Variants in PLXNA3 observed in about 807,000 individuals in gnomAD.
PLXNA3 encodes plexin-A3.
A neutral mutation model predicts 118.8 loss-of-function variants in PLXNA3; 52 were observed. That is an observed-to-expected ratio of 0.44 (90% CI 0.35 to 0.55). The LOEUF (loss-of-function observed/expected upper bound fraction) is 0.55. Ranked by LOEUF, PLXNA3 falls within the 20% of genes least tolerant of loss-of-function variation. The pLI is 0.01. For synonymous variants in PLXNA3, 925 were observed against 762.4 expected (o/e 1.21, Z -3.51); for missense variants, 1,660 against 1,730.8 (o/e 0.96, Z 0.73).
In PLXNA3 at chrX:154,462,217, C is replaced by G. The variant is rs782313208; in HGVS notation, c.1224C>G (p.Ala408=). ...TGATCGAGGGGCTGCCCCTGCTGGCCGACAGCACCGACGGCATGGCCAGCG... is the reference window on the plus strand; with the variant it reads ...TGATCGAGGGGCTGCCCCTGCTGGCGGACAGCACCGACGGCATGGCCAGCG... ...LHVIEGLPLL[A]DSTDGMASVA... is the part of the protein sequence containing the mutation. Residue 408 remains alanine (A), a synonymous_variant, in exon 4 of 33, where the codon GCC becomes GCG. Coordinates refer to ENST00000369682, the MANE Select transcript of PLXNA3 (RefSeq NM_017514.5). 16 of 1,203,508 alleles carry G rather than the reference C, an allele frequency of 1.3e-5. No individual in the cohort carries two copies. In the East Asian group the frequency reaches 4.8e-4, roughly 36 times the overall value.
chrX:154,471,371 C>A (rs904660428), intron 31 of PLXNA3, 54 bp downstream of exon 31: 2 of 1,162,026 alleles, frequency 1.7e-6, no homozygotes, highest in Admixed American at 4.6e-5. Flanking sequence ...CCTCCCTGGG[C>A]TGCCTGTGCG....
rs782615858 is a variant in PLXNA3, at chrX:154,464,309, G to T, written c.1824G>T (p.Gly608=). Residue 608 remains glycine, a synonymous_variant, in exon 8 of 33, where the codon GGG becomes GGT. Coordinates refer to ENST00000369682, the MANE Select transcript of PLXNA3 (RefSeq NM_017514.5). ...AGGAGCTCCGAGCTCTTACCAGGGG[G>T]CATGGTCAGTGGGTTGGGGCTGCCC... ...SLQELRALTR[G]HGATRTVRLQ... The T allele has an allele frequency of 3.3e-6, 4 of 1,207,177 alleles. No individual in the cohort carries two copies. Among genetic ancestry groups the T allele is most frequent in the Non-Finnish European group, 3.4e-6 (3 of 894,232 alleles).
rs1182966162 is a variant in PLXNA3, at chrX:154,474,965, T to G, written c.*2280T>G. The stretch of plus-strand genomic sequence containing the variant: ...ACCATACCCAGCTGTTTTTTGTTTT[T>G]TTTTTTTTTCTTTAGTAGAGATGGA... On this transcript the variant is annotated 3_prime_UTR_variant, in exon 33 of 33. Transcript: ENST00000369682. The G allele has an allele frequency of 9.9e-6, 1 of 100,695 alleles. No individual in the cohort carries two copies. The highest frequency in any genetic ancestry group is 2.0e-5 in the Non-Finnish European group (1 of 49,188). 8.3% of individuals were successfully genotyped at this position (100,695 alleles called of 1,213,427 possible).
chrX:154,474,204 A>G lies in PLXNA3; in HGVS notation c.*1519A>G, dbSNP rs373099994. 2.7e-5 allele frequency: 3 copies of G among 110,794 alleles called. No homozygotes were observed. The highest frequency in any genetic ancestry group is 5.6e-4 in the East Asian group (2 of 3,578). The allele number at this position is 110,794 out of a possible 1,213,427, so 9.1% of individuals were successfully genotyped here. A position where few individuals can be genotyped will look rare whatever the true frequency, so the allele number is the denominator to read the frequency against. ...AGCTGTGTTGCCCAGGCTGGAGTGC[A>G]GTGGCAAGATCACAGCTCAGTGCAG... On this transcript the variant is annotated 3_prime_UTR_variant, in exon 33 of 33. Coordinates refer to ENST00000369682, the MANE Select transcript of PLXNA3 (RefSeq NM_017514.5).
chrX:154,461,919 GCCC>G, intron 3 of PLXNA3, among the ~76,000 whole-genome samples: 1 of 112,049 alleles, frequency 8.9e-6, no homozygotes, highest in African/African-American at 3.2e-5. Context: ...AGTCTTGTGG[GCCC>G]AGGCTTCGCT....
rs782290368 is a variant in PLXNA3 at position 154,469,753 on chromosome X, C to T, written c.4764C>T (p.Ser1588=). 8.3e-7 allele frequency: 1 copy of T among 1,210,052 alleles called. No homozygotes were observed. The highest frequency in any genetic ancestry group is 1.1e-6 in the Non-Finnish European group (1 of 893,701). Residue 1588 remains serine, a synonymous_variant, in exon 28 of 33, where the codon TCC becomes TCT. Transcript: ENST00000369682. ...KQVSAYNMAN[S]FTFTRSLSRY... is the part of the protein sequence containing the mutation. ...TGTCTGCCTATAACATGGCCAACTC[C>T]TTCACCTTCACCCGCTCCCTCAGCC... is the stretch of plus-strand genomic sequence containing the variant.
chrX:154,461,507 A>T lies in PLXNA3; in HGVS notation c.1003A>T (p.Thr335Ser). The T allele has an allele frequency of 1.7e-6, 2 of 1,211,638 alleles. No individual in the cohort carries two copies. Among genetic ancestry groups the T allele is most frequent in the Non-Finnish European group, 2.2e-6 (2 of 895,432 alleles). ...GAACCGGGCCAGCCCACCCCGGCAG[A>T]CCATCCTCTGCCTCTTCACCCTCAG... The part of the protein sequence containing the change: ...QKNRASPPRQ[T>S]ILCLFTLSNI... The change falls in exon 3 of 33, where the codon ACC becomes TCC. Residue 335 changes from threonine (T) to serine (S), a missense_variant. Physicochemically the swap from Thr to Ser is moderately conservative, Grantham distance 58. Transcript: ENST00000369682.
intron 11 of PLXNA3, 50 bp downstream of exon 11, chrX:154,465,268 G>A (rs2069060107): frequency 2.7e-6 from 3 of 1,116,416 alleles, no homozygotes; most frequent in Non-Finnish European, 3.7e-6. Context: ...GTGGCGTGGT[G>A]TGGATCGTTC....
chrX:154,468,627 C>T (rs782099763), intron 23 of PLXNA3, 36 bp from the exon 24 acceptor site: 1 of 1,209,519 alleles, frequency 8.3e-7, no homozygotes, highest in Non-Finnish European at 1.1e-6. Context: ...CCAAGCCCCA[C>T]CCCTGCCAGG....
Position 154,472,617 on chromosome X carries a change from T to C in PLXNA3, c.5548T>C (p.Ser1850Pro), listed in dbSNP as rs145513466. Residue 1850 changes from serine (S) to proline (P), a missense_variant, in exon 33 of 33, where the codon TCT becomes CCT. By Grantham distance (74) the Ser-to-Pro change is moderately conservative. Transcript: ENST00000369682. ...EILTALDRDA[S>P]CRKHKLRQKL... ...TCTCACGGCTCTGGACCGAGATGCC[T>C]CTTGTCGGAAGCATAAGTTGCGGCA... is the stretch of plus-strand genomic sequence containing the variant. The C allele has an allele frequency of 1.2e-5, 15 of 1,206,972 alleles. No individual in the cohort carries two copies. Among genetic ancestry groups the C allele is most frequent in the Non-Finnish European group, 1.6e-5 (14 of 892,521 alleles).
intron 1 of PLXNA3, among the ~76,000 whole-genome samples, 165 bp downstream of exon 1, chrX:154,458,593 C>G (rs1557202524): frequency 1.8e-5 from 2 of 112,763 alleles, no homozygotes; most frequent in Non-Finnish European, 3.8e-5. Context: ...GGACGCCAAC[C>G]CAAGACCAAC....
rs782393442 is a variant in PLXNA3, at chrX:154,466,720, A to T, written c.3034A>T (p.Ser1012Cys). The stretch of plus-strand genomic sequence containing the variant: ...TGCCATTGACCGGGCTAACATCTCC[A>T]GCCCCGGGCTCATCTACACCTACAC... ...TLAIDRANIS[S>C]PGLIYTYTQD... is the part of the protein sequence containing the mutation. The change falls in exon 17 of 33, where the codon AGC becomes TGC. Residue 1012 changes from serine to cysteine, a missense_variant. Physicochemically the swap from Ser to Cys is moderately radical, Grantham distance 112 (BLOSUM62 -1). This residue lies in a region of PLXNA3 where 869 missense variants were observed against 1,078.7 expected (regional missense o/e 0.81). Coordinates refer to ENST00000369682, the MANE Select transcript of PLXNA3 (RefSeq NM_017514.5). 76 of 1,194,256 alleles carry T rather than the reference A, an allele frequency of 6.4e-5. No individual in the cohort carries two copies. The highest frequency in any genetic ancestry group is 4.6e-4 in the Middle Eastern group (2 of 4,333).
In PLXNA3 at chrX:154,460,771, C is replaced by T. The variant is rs781804006; in HGVS notation, c.588C>T (p.Phe196=). The change falls in exon 2 of 33, where the codon TTC becomes TTT. Residue 196 remains phenylalanine (F), a synonymous_variant. Coordinates refer to ENST00000369682, the MANE Select transcript of PLXNA3 (RefSeq NM_017514.5). Reference sequence around the variant, plus strand: ...GTGATGAAGACAGCGCGGACATGTTCAGTCTCGTGCGTGAGCCTTCCTTCT... The same window carrying T: ...GTGATGAAGACAGCGCGGACATGTTTAGTCTCGTGCGTGAGCCTTCCTTCT... ...LISDEDSADM[F]SLVYQDEFVS... is the part of the protein sequence containing the mutation. 1.8e-6 allele frequency: 2 copies of T among 1,102,444 alleles called. No homozygotes were observed. The highest frequency in any genetic ancestry group is 2.2e-5 in the South Asian group (1 of 45,526). The allele number at this position is 1,102,444 out of a possible 1,213,427, so 90.9% of individuals were successfully genotyped here.
In PLXNA3 at chrX:154,475,873, C is replaced by T. The variant is rs973466443; in HGVS notation, c.*3188C>T. On this transcript the variant is annotated 3_prime_UTR_variant, in exon 33 of 33. Coordinates refer to ENST00000369682, the MANE Select transcript of PLXNA3 (RefSeq NM_017514.5). ...ATCATGAGAGGAAGAGGAAGGGAAA[C>T]AGAGCTAAATTGGGGCCAGGTGTGG... The T allele has an allele frequency of 1.3e-4, 15 of 112,373 alleles. No homozygotes were observed. The highest frequency in any genetic ancestry group is 5.6e-5 in the Non-Finnish European group (3 of 53,187). The allele number at this position is 112,373 out of a possible 1,213,427, so 9.3% of individuals were successfully genotyped here.
intron 13 of PLXNA3, 32 bp from the exon 14 acceptor site, chrX:154,465,903 C>T: frequency 8.3e-7 from 1 of 1,210,962 alleles, no homozygotes. Flanking sequence ...GGAGTCTGAG[C>T]CAACTCTCTC....
At position 154,476,556 on chromosome X, in the gene PLXNA3, AAGAG is replaced by A. The variant is rs781807029; in HGVS notation, c.*3874_*3877del. On this transcript the variant is annotated 3_prime_UTR_variant, in exon 33 of 33. Coordinates refer to ENST00000369682, the MANE Select transcript of PLXNA3 (RefSeq NM_017514.5). Reference sequence around the variant, plus strand: ...GAAAGGAAGAAAGGAATGAGAGCAAAAGAGAGGGAGAGAGGAAAGTGTCATCTTC... The same window carrying A: ...GAAAGGAAGAAAGGAATGAGAGCAAAAGGGAGAGAGGAAAGTGTCATCTTC... The A allele has an allele frequency of 1.5e-4, 17 of 111,798 alleles. No individual in the cohort carries two copies. The highest frequency in any genetic ancestry group is 2.8e-4 in the Non-Finnish European group (15 of 53,131). The allele number at this position is 111,798 out of a possible 1,213,427, so 9.2% of individuals were successfully genotyped here.
At position 154,463,590 on chromosome X, in the gene PLXNA3, G is replaced by A; in HGVS notation, c.1447G>A (p.Val483Met). 1 of 1,194,976 alleles carries A rather than the reference G, an allele frequency of 8.4e-7. No homozygotes were observed. Among genetic ancestry groups the A allele is most frequent in the South Asian group, 1.8e-5 (1 of 54,901 alleles). ...RHIYLLSEKQ[V>M]SQLPVETCEQ... Reference sequence around the variant, plus strand: ...TGGGTGCTGATGTGGCTGTCCCCAGGTGAGCCAGCTCCCGGTGGAGACCTG... The same window carrying A: ...TGGGTGCTGATGTGGCTGTCCCCAGATGAGCCAGCTCCCGGTGGAGACCTG... Residue 483 changes from valine to methionine, a missense_variant and splice_region_variant, in exon 6 of 33, where the codon GTG (valine) becomes ATG (methionine). Coordinates refer to ENST00000369682, the MANE Select transcript of PLXNA3 (RefSeq NM_017514.5).
rs1484523829 is a variant in PLXNA3, at chrX:154,476,688, TGCCAAATGAAAGAACACGCCAAACCA to T, written c.*4005_*4030del. On this transcript the variant is annotated 3_prime_UTR_variant, in exon 33 of 33. Transcript: ENST00000369682. ...GGAGTAATAGGGACTGGATATGTCA[TGCCAAATGAAAGAACACGCCAAACCA>T]GACAAAATATATGGAATGCAGAGTA... 1 of 111,297 alleles carries T rather than the reference TGCCAAATGAAAGAACACGCCAAACCA, an allele frequency of 9.0e-6. No homozygotes were observed. Among genetic ancestry groups the T allele is most frequent in the Non-Finnish European group, 1.9e-5 (1 of 53,038 alleles). The allele number at this position is 111,297 out of a possible 1,213,427, so 9.2% of individuals were successfully genotyped here.
At position 154,463,914 on chromosome X, in the gene PLXNA3, G is replaced by A. The variant is rs1302154325; in HGVS notation, c.1548-37G>A. 1.4e-5 allele frequency: 16 copies of A among 1,150,334 alleles called. No individual in the cohort carries two copies. In the East Asian group the frequency reaches 1.6e-4, roughly 12 times the overall value. 94.8% of individuals were successfully genotyped at this position (1,150,334 alleles called of 1,213,427 possible). A position where few individuals can be genotyped will look rare whatever the true frequency, so the allele number is the denominator to read the frequency against. On this transcript the variant is annotated intron_variant, in intron 6 of 32. Coordinates refer to ENST00000369682, the MANE Select transcript of PLXNA3 (RefSeq NM_017514.5). ...CTGGACAGGCCTGGGCCCTCCCGGG[G>A]CAGTGGCGGGACCGGCTCTGGCCCG...
Sources: gnomAD v4.1 joint callset for allele counts (sites outside exome capture counted in the v4.1 genomes callset) on GRCh38, gnomAD v4.1.1 for gene constraint, gnomAD v4.1.1 regional missense constraint, MANE v1.5 for transcripts, NCBI Gene and HGNC (gene_info 2026-07-23, HGNC 2026-07-21) for gene names.